Variants in TMTC2 observed in about 807,000 individuals in gnomAD.
TMTC2 encodes the protein protein O-mannosyl-transferase TMTC2.
In TMTC2, 43 loss-of-function variants were observed where a neutral mutation model predicts 82.4. The ratio of observed to expected loss-of-function variants is 0.52; its 90% confidence interval spans 0.41 to 0.67. TMTC2 has a LOEUF of 0.67. TMTC2 is among the 30% of genes least tolerant of loss of function. The probability of loss-of-function intolerance (pLI) is 0.00; values close to 1 mark genes in which losing one functional copy is unlikely to be tolerated. For missense variants in TMTC2, 919 were observed against 1,012.4 expected (o/e 0.91, Z 1.25); for synonymous variants, 408 against 381.9 (o/e 1.07, Z -0.80).
intron 1 of TMTC2, among the ~76,000 whole-genome samples, chr12:82,705,466 A>G (rs1257569683): frequency 6.6e-6 from 1 of 152,234 alleles, no homozygotes; most frequent in African/African-American, 2.4e-5. Flanking sequence ...AGAAATGGCC[A>G]TTGTTACCAG....
chr12:82,895,914 C>G lies in TMTC2; in HGVS notation c.751C>G (p.Pro251Ala). The G allele has an allele frequency of 6.2e-7, 1 of 1,613,972 alleles. No homozygotes were observed. The highest frequency in any genetic ancestry group is 8.5e-7 in the Non-Finnish European group (1 of 1,180,018). ...GTTATACTGGATGGGAAACAAACCA[C>G]CAAGCTTTTCCAACTCGGACAACCC... ...ARLYWMGNKP[P>A]SFSNSDNPAA... The change falls in exon 3 of 12, where the codon CCA (proline) becomes GCA (alanine). Residue 251 changes from proline to alanine, a missense_variant. Transcript: ENST00000321196.
chr12:82,762,929 G>T (rs1876731424), intron 1 of TMTC2, among the ~76,000 whole-genome samples: 1 of 151,988 alleles, frequency 6.6e-6, no homozygotes, highest in Admixed American at 6.6e-5. Flanking sequence ...CTATGTGAGA[G>T]AATATATATG....
At chr12:82,786,355 A>G (rs987276750) in intron 1 of TMTC2, among the ~76,000 whole-genome samples, 1 of 152,110 alleles carries the variant, frequency 6.6e-6, no homozygotes, top group African/African-American at 2.4e-5. Context: ...AATAATGGAA[A>G]GGTATCACAA....
At chr12:82,688,193 G>A (rs1381264296) in intron 1 of TMTC2, among the ~76,000 whole-genome samples, 1 of 152,132 alleles carries the variant, frequency 6.6e-6, no homozygotes, top group African/African-American at 2.4e-5. Context: ...CCCTTTTAAC[G>A]TGTATAGACT....
At chr12:83,083,426 C>G (rs1883542333) in intron 11 of TMTC2, among the ~76,000 whole-genome samples, 1 of 152,162 alleles carries the variant, frequency 6.6e-6, no homozygotes, top group African/African-American at 2.4e-5. Flanking sequence ...TTTGCATCCC[C>G]AGCACTCCCT....
chr12:83,056,755 A>G (rs1882559322), intron 10 of TMTC2, among the ~76,000 whole-genome samples: 1 of 151,914 alleles, frequency 6.6e-6, no homozygotes, highest in African/African-American at 2.4e-5. Flanking sequence ...CTTCCAATTT[A>G]CAATCACAAG....
At chr12:82,911,037 T>C (rs937285103) in intron 3 of TMTC2, among the ~76,000 whole-genome samples, 6 of 151,998 alleles carry the variant, frequency 3.9e-5, no homozygotes, top group South Asian at 2.1e-4. Flanking sequence ...TCCGCCACCA[T>C]GCCCGGCTAA....
At chr12:82,804,788 G>A (rs1879165552) in intron 1 of TMTC2, among the ~76,000 whole-genome samples, 2 of 152,064 alleles carry the variant, frequency 1.3e-5, no homozygotes, top group Non-Finnish European at 2.9e-5. Context: ...GAAGAGACTG[G>A]AAGTTGCTTT....
Position 83,114,085 on chromosome 12 carries a change from G to GA in TMTC2, c.2332-18116dup, listed in dbSNP as rs202008278. Among the ~76,000 whole-genome samples the GA allele has an allele frequency of 5.7e-3, 862 of 150,768 alleles. 4 individuals carry two copies. The highest frequency in any genetic ancestry group is 0.024 in the Middle Eastern group (7 of 292). On this transcript the variant is annotated intron_variant, in intron 11 of 11. Coordinates refer to ENST00000321196, the MANE Select transcript of TMTC2 (RefSeq NM_152588.3). The stretch of plus-strand genomic sequence containing the variant: ...ATAGTCCCCATCTGCTTTGGAAGAT[G>GA]AAAAAAAAATGTCTCACGCATCTGC...
intron 11 of TMTC2, among the ~76,000 whole-genome samples, chr12:83,120,380 G>C (rs1444062971): frequency 6.6e-6 from 1 of 152,132 alleles, no homozygotes; most frequent in Non-Finnish European, 1.5e-5. Flanking sequence ...TTGTTTGTCT[G>C]AAAAAGACTG....
At chr12:82,969,571 T>G (rs1878362430) in intron 7 of TMTC2, among the ~76,000 whole-genome samples, 1 of 152,206 alleles carries the variant, frequency 6.6e-6, no homozygotes. Flanking sequence ...CCCTTGAACA[T>G]TTTATGAAAA....
intron 3 of TMTC2, among the ~76,000 whole-genome samples, chr12:82,921,087 G>GTT (rs200211819): frequency 6.6e-6 from 1 of 151,228 alleles, no homozygotes; most frequent in African/African-American, 2.4e-5. Flanking sequence ...ACTACTGAGG[G>GTT]TTTTTTTTTC....
chr12:83,095,233 T>TTTTTTTTTG (rs1883984313), intron 11 of TMTC2, among the ~76,000 whole-genome samples: 1 of 142,046 alleles, frequency 7.0e-6, no homozygotes, highest in African/African-American at 2.7e-5. Context: ...TTTTTTTGTT[T>TTTTTTTTTG]TTTTTTTTGT....
At chr12:82,853,903 C>CT (rs1273511424) in intron 1 of TMTC2, among the ~76,000 whole-genome samples, 1 of 149,148 alleles carries the variant, frequency 6.7e-6, no homozygotes, top group African/African-American at 2.5e-5. Flanking sequence ...GAAATAAGCT[C>CT]TTTCTGGCAA....
intron 11 of TMTC2, among the ~76,000 whole-genome samples, chr12:83,118,755 G>A (rs1013873008): frequency 1.9e-4 from 29 of 151,828 alleles, no homozygotes; most frequent in African/African-American, 7.3e-5. Context: ...ACCTTTCAAC[G>A]TCTGGTAGAA....
intron 3 of TMTC2, among the ~76,000 whole-genome samples, chr12:82,928,415 G>A (rs1195938635): frequency 1.3e-5 from 2 of 152,154 alleles, no homozygotes; most frequent in Middle Eastern, 3.4e-3. Context: ...ATGATATCAC[G>A]CCTATTATGT....
At chr12:82,959,681 G>A (rs1877813504) in intron 4 of TMTC2, among the ~76,000 whole-genome samples, 2 of 151,726 alleles carry the variant, frequency 1.3e-5, no homozygotes, top group Admixed American at 1.3e-4. Flanking sequence ...ACTCAAGATG[G>A]ATTAAAGATT....
chr12:82,759,679 A>C (rs1339924884), intron 1 of TMTC2: 1 of 152,348 alleles, frequency 6.6e-6, no homozygotes, highest in Non-Finnish European at 1.5e-5. Context: ...TGGAAATGTA[A>C]AAAGTTAAAA....
intron 3 of TMTC2, among the ~76,000 whole-genome samples, chr12:82,903,880 CA>C (rs753083668): frequency 3.3e-5 from 5 of 152,064 alleles, no homozygotes; most frequent in Non-Finnish European, 5.9e-5. Flanking sequence ...TGAAATAAGG[CA>C]AAAGTGTGAA....
Sources: gnomAD v4.1 joint callset for allele counts (sites outside exome capture counted in the v4.1 genomes callset) on GRCh38, gnomAD v4.1.1 for gene constraint, MANE v1.5 for transcripts, NCBI Gene and HGNC (gene_info 2026-07-23, HGNC 2026-07-21) for gene names.